Variants in PUDP observed in about 807,000 individuals in gnomAD.
The protein encoded by PUDP is pseudouridine-5'-phosphatase.
Under a neutral mutation model 9.4 loss-of-function variants are expected in PUDP, and 8 were observed. That is an observed-to-expected ratio of 0.85 (90% CI 0.50 to 1.53). The LOEUF (loss-of-function observed/expected upper bound fraction) is 1.53, where lower values mean the gene tolerates loss of function less well. Ranked by LOEUF, PUDP falls within the 40% of genes most tolerant of loss-of-function variation. PUDP has a pLI of 0.00. For synonymous variants in PUDP, 99 were observed against 80.7 expected (o/e 1.23, Z -1.22); for missense variants, 188 against 189.7 (o/e 0.99, Z 0.05).
chrX:7,004,499 C>T (rs973178865), intron 1 of PUDP, among the ~76,000 whole-genome samples: 8 of 111,691 alleles, frequency 7.2e-5, no homozygotes, highest in African/African-American at 2.6e-4. Flanking sequence ...TGATCCAACC[C>T]AAACACTTTG....
At chrX:6,712,013 G>A (rs141243614) in intron 1 of PUDP, among the ~76,000 whole-genome samples, 1,249 of 112,310 alleles carry the variant, frequency 0.011, 9 homozygotes, top group Non-Finnish European at 0.018. Flanking sequence ...CTCTCTGGCT[G>A]GAGTTGACTC....
intron 1 of PUDP, among the ~76,000 whole-genome samples, chrX:7,043,584 T>C (rs1346883246): frequency 9.0e-6 from 1 of 111,680 alleles, no homozygotes; most frequent in East Asian, 2.8e-4. Context: ...AATGCAAAAC[T>C]GATTAAGACA....
intron 3 of PUDP, among the ~76,000 whole-genome samples, chrX:6,751,919 T>A (rs758720122): frequency 1.8e-5 from 2 of 110,833 alleles, no homozygotes; most frequent in Admixed American, 9.6e-5. Context: ...TTATAACCCC[T>A]CTCTGTCCTG....
At chrX:7,058,506 G>T (rs1318463270) in intron 3 of PUDP, among the ~76,000 whole-genome samples, 2 of 111,929 alleles carry the variant, frequency 1.8e-5, no homozygotes, top group Non-Finnish European at 3.8e-5. Flanking sequence ...GTAATATGAA[G>T]TTCAATTTTC....
At chrX:7,093,117 C>T (rs1398002763) in intron 2 of PUDP, among the ~76,000 whole-genome samples, 2 of 112,086 alleles carry the variant, frequency 1.8e-5, no homozygotes, top group African/African-American at 6.5e-5. Flanking sequence ...ACGTGTTCAT[C>T]TCCCCAAGGT....
chrX:6,885,956 T>C (rs1927415559), intron 3 of PUDP, among the ~76,000 whole-genome samples: 1 of 112,234 alleles, frequency 8.9e-6, no homozygotes, highest in Admixed American at 9.5e-5. Flanking sequence ...GTATAATTGA[T>C]CACTTAAAAT....
chrX:6,847,440 T>A lies in PUDP; in HGVS notation c.*247+129693A>T, dbSNP rs751463382. Among the ~76,000 whole-genome samples, 24 of 112,353 alleles carry A rather than the reference T, an allele frequency of 2.1e-4. 1 individual carries two copies. In the South Asian group the frequency reaches 8.9e-3, roughly 41 times the overall value. On this transcript the variant is annotated intron_variant and NMD_transcript_variant, in intron 3 of 3. Coordinates refer to the PUDP transcript ENST00000655425. ...GACAAAGAGAAAATAAGAATTCTTG[T>A]CTCCCATTAAAAATCTGTTTAATCA... is the stretch of plus-strand genomic sequence containing the variant.
At chrX:7,009,649 A>G (rs1000415663) in intron 1 of PUDP, among the ~76,000 whole-genome samples, 1 of 110,846 alleles carries the variant, frequency 9.0e-6, no homozygotes, top group African/African-American at 3.3e-5. Context: ...TGGTATGGTG[A>G]TGTTACCTAC....
At chrX:7,034,110 A>G (rs1929824502) in intron 1 of PUDP, among the ~76,000 whole-genome samples, 1 of 112,067 alleles carries the variant, frequency 8.9e-6, no homozygotes, top group Non-Finnish European at 1.9e-5. Flanking sequence ...TTGAGGACAT[A>G]TTATAGTTTG....
At chrX:6,749,088 G>A (rs1029065364) in intron 3 of PUDP, among the ~76,000 whole-genome samples, 1 of 112,058 alleles carries the variant, frequency 8.9e-6, no homozygotes, top group Non-Finnish European at 1.9e-5. Context: ...AGATCATTTT[G>A]CAGGAGATGC....
At chrX:7,012,441 A>G (rs1208604986) in intron 1 of PUDP, among the ~76,000 whole-genome samples, 1 of 112,031 alleles carries the variant, frequency 8.9e-6, no homozygotes, top group East Asian at 2.8e-4. Context: ...TTGGCTCCAC[A>G]AGGATAGAGA....
intron 3 of PUDP, among the ~76,000 whole-genome samples, chrX:6,854,601 T>C (rs1345187613): frequency 1.8e-5 from 2 of 112,202 alleles, no homozygotes; most frequent in African/African-American, 6.5e-5. Context: ...ACTGATACTA[T>C]AAATGGCCAA....
intron 3 of PUDP, among the ~76,000 whole-genome samples, chrX:6,792,010 G>A (rs1925757332): frequency 9.0e-6 from 1 of 111,614 alleles, no homozygotes; most frequent in Non-Finnish European, 1.9e-5. Flanking sequence ...TCATGCTGTG[G>A]TACGTAGGTG....
At chrX:6,866,571 T>A (rs774054344) in intron 3 of PUDP, among the ~76,000 whole-genome samples, 2 of 110,972 alleles carry the variant, frequency 1.8e-5, no homozygotes, top group African/African-American at 6.5e-5. Context: ...GGGCATCAAT[T>A]TGAGATTTGC....
At chrX:6,772,778 T>TG (rs1925388031) in intron 3 of PUDP, among the ~76,000 whole-genome samples, 2 of 71,646 alleles carry the variant, frequency 2.8e-5, no homozygotes, top group Non-Finnish European at 6.2e-5. Flanking sequence ...AGCAGAAAAT[T>TG]AAAACAAACA....
At chrX:6,752,836 T>C (rs1331279286) in intron 3 of PUDP, among the ~76,000 whole-genome samples, 4 of 111,891 alleles carry the variant, frequency 3.6e-5, no homozygotes, top group Admixed American at 2.8e-4. Flanking sequence ...GGTCACCTAA[T>C]ACAGGAGCCA....
chrX:7,018,100 C>T (rs1406798575), intron 1 of PUDP, among the ~76,000 whole-genome samples: 2 of 111,625 alleles, frequency 1.8e-5, no homozygotes, highest in Non-Finnish European at 3.8e-5. Flanking sequence ...ATGAATAATC[C>T]ACCCCTTGTT....
downstream of PUDP, among the ~76,000 whole-genome samples, chrX:7,044,091 T>A (rs1308477486): frequency 1.8e-5 from 2 of 112,246 alleles, no homozygotes; most frequent in African/African-American, 3.2e-5. Context: ...CACATAGGCA[T>A]GAAAAGTATT....
intron 3 of PUDP, among the ~76,000 whole-genome samples, chrX:6,741,160 CAAA>C (rs533050762): frequency 2.5e-5 from 2 of 78,725 alleles, no homozygotes; most frequent in Non-Finnish European, 2.5e-5. Context: ...ACTCCATCTC[CAAA>C]AAAAAAAAAA....
Sources: gnomAD v4.1 joint callset for allele counts (sites outside exome capture counted in the v4.1 genomes callset) on GRCh38, gnomAD v4.1.1 for gene constraint, MANE v1.5 for transcripts, NCBI Gene and HGNC (gene_info 2026-07-23, HGNC 2026-07-21) for gene names.